TBC1D17: variants seen among roughly 807,000 people sequenced by gnomAD.
TBC1D17 encodes TBC1 domain family member 17.
A neutral mutation model predicts 78.8 loss-of-function variants in TBC1D17; 69 were observed. The observed-to-expected ratio is 0.88, with a 90% CI of 0.72 to 1.07. The LOEUF (loss-of-function observed/expected upper bound fraction) is 1.07. Ranked by LOEUF, TBC1D17 falls within the 50% of genes least tolerant of loss-of-function variation. The pLI, the probability that TBC1D17 is intolerant of heterozygous loss-of-function variation, is 0.00. For missense variants in TBC1D17, 957 were observed against 861.0 expected (o/e 1.11, Z -1.39); for synonymous variants, 456 against 358.3 (o/e 1.27, Z -3.08).
Position 49,887,851 on chromosome 19 carries a change from G to T in TBC1D17, c.1659+17G>T, listed in dbSNP as rs1490158495. 1 of 1,587,040 alleles carries T rather than the reference G, an allele frequency of 6.3e-7. No individual in the cohort carries two copies. Among genetic ancestry groups the T allele is most frequent in the Non-Finnish European group, 8.6e-7 (1 of 1,164,614 alleles). ...ATCCTCAAGGTGAGGCTCCGGCCCC[G>T]CCCCCGCCCTGTCCCCCCTGAGCTG... On this transcript the variant is annotated intron_variant, in intron 15 of 16. Transcript: ENST00000221543.
intron 7 of TBC1D17, 74 bp from the exon 8 acceptor site, chr19:49,882,690 C>CT: frequency 6.9e-7 from 1 of 1,454,394 alleles, no homozygotes; most frequent in Non-Finnish European, 9.1e-7. Context: ...GCTCTCTGAG[C>CT]TTGTGGACTG....
intron 13 of TBC1D17, chr19:49,885,067 C>T: frequency 5.4e-6 from 2 of 369,086 alleles, no homozygotes; most frequent in Non-Finnish European, 1.0e-5. Context: ...TTCTTATCCC[C>T]ACCTGGCTGT....
In TBC1D17 at chr19:49,888,647, G is replaced by A. The variant is rs1280245556; in HGVS notation, c.*23G>A. The A allele has an allele frequency of 1.2e-5, 18 of 1,520,906 alleles. No homozygotes were observed. Among genetic ancestry groups the A allele is most frequent in the South Asian group, 2.4e-5 (2 of 82,342 alleles). The allele number at this position is 1,520,906 out of a possible 1,614,324, so 94.2% of individuals were successfully genotyped here. ...TAACCCCGCCAGGCAGCCTCGTTCT[G>A]CACAGGCACTTTAGCCCGAGCCAGG... is the stretch of plus-strand genomic sequence containing the variant. On this transcript the variant is annotated 3_prime_UTR_variant, in exon 17 of 17. Transcript: ENST00000221543.
At chr19:49,878,870 T>C in intron 3 of TBC1D17, 3 of 380,520 alleles carry the variant, frequency 7.9e-6, no homozygotes, top group East Asian at 4.9e-5. Flanking sequence ...TTCGAGTTGC[T>C]TGAAGGGAAA....
At chr19:49,886,989 T>C (rs2075063661) in intron 13 of TBC1D17, 1 of 179,778 alleles carries the variant, frequency 5.6e-6, no homozygotes, top group Non-Finnish European at 1.2e-5. Context: ...GAGATGGGGT[T>C]TCACCACGTT....
intron 13 of TBC1D17, 139 bp from the exon 14 acceptor site, chr19:49,887,337 C>T: frequency 1.2e-6 from 1 of 808,138 alleles, no homozygotes; most frequent in Admixed American, 2.1e-5. Context: ...CAGGGCTGCT[C>T]CTGCCTCACC....
In TBC1D17 at chr19:49,883,655, G is replaced by A; in HGVS notation, c.1036G>A (p.Glu346Lys). 1 of 1,613,830 alleles carries A rather than the reference G, an allele frequency of 6.2e-7. No individual in the cohort carries two copies. The highest frequency in any genetic ancestry group is 8.5e-7 in the Non-Finnish European group (1 of 1,179,834). ...HKAHIRKKTD[E>K]YFRMKLQWKS... Reference sequence around the variant, plus strand: ...TTGTTTCCCTCTGTCACTCAGGGATGAGTATTTCCGCATGAAGCTGCAGTG... The same window carrying A: ...TTGTTTCCCTCTGTCACTCAGGGATAAGTATTTCCGCATGAAGCTGCAGTG... Residue 346 changes from glutamate to lysine, a missense_variant, in exon 10 of 17, where the codon GAG (glutamate) becomes AAG (lysine). Transcript: ENST00000221543.
At chr19:49,883,794 G>A in intron 10 of TBC1D17, 49 bp downstream of exon 10, 1 of 1,526,920 alleles carries the variant, frequency 6.5e-7, no homozygotes, top group South Asian at 1.1e-5. Context: ...GGGAACCACA[G>A]GAGGGCCTCA....
At chr19:49,881,991 C>T (rs1568674504) in intron 5 of TBC1D17, 50 bp from the exon 6 acceptor site, 5 of 1,498,162 alleles carry the variant, frequency 3.3e-6, no homozygotes, top group Non-Finnish European at 4.6e-6. Context: ...CAGCCTGGGA[C>T]ACTGGGCCCC....
At chr19:49,882,208 G>GA (rs2122443740) in intron 6 of TBC1D17, 34 bp from the exon 7 acceptor site, 2 of 1,612,798 alleles carry the variant, frequency 1.2e-6, no homozygotes, top group East Asian at 4.5e-5. Context: ...ACGAGAAGGG[G>GA]CGGGCCGTGA....
rs1375395752 is a variant in TBC1D17 at position 49,882,811 on chromosome 19, AGAG to A, written c.853_855del (p.Glu285del). On this transcript the variant is annotated inframe_deletion, in exon 8 of 17. Coordinates refer to ENST00000221543, the MANE Select transcript of TBC1D17 (RefSeq NM_024682.3). ...CCGTGGAGCGGGGCCCTCCAGTTAC[AGAG>A]GAGGAGTGGGCACGCCACGTGGGCC... is the stretch of plus-strand genomic sequence containing the variant. The A allele has an allele frequency of 1.5e-5, 24 of 1,606,960 alleles. No homozygotes were observed. The highest frequency in any genetic ancestry group is 4.0e-5 in the African/African-American group (3 of 74,466).
chr19:49,879,686 C>T (rs991074501), intron 3 of TBC1D17, among the ~76,000 whole-genome samples: 20 of 150,686 alleles, frequency 1.3e-4, no homozygotes, highest in Non-Finnish European at 2.5e-4. Flanking sequence ...TTGTATTTAC[C>T]TGGTGAGTAC....
Position 49,882,247 on chromosome 19 carries a change from C to T in TBC1D17, c.645C>T (p.Phe215=), listed in dbSNP as rs765380771. The stretch of plus-strand genomic sequence containing the variant: ...CCCTTTGGCCTCGTCCCCAGCGCTT[C>T]CTCCAGGATCCCTACTCCACCACCT... ...DQDSSNVVSR[F]LQDPYSTTFS... Residue 215 remains phenylalanine (F), a synonymous_variant, in exon 7 of 17, where the codon TTC becomes TTT. Coordinates refer to ENST00000221543, the MANE Select transcript of TBC1D17 (RefSeq NM_024682.3). The T allele has an allele frequency of 8.0e-5, 129 of 1,612,096 alleles. No individual in the cohort carries two copies. Among genetic ancestry groups the T allele is most frequent in the Non-Finnish European group, 9.7e-5 (115 of 1,179,980 alleles).
chr19:49,878,970 T>G (rs2050267433), intron 3 of TBC1D17: 2 of 212,732 alleles, frequency 9.4e-6, no homozygotes, highest in African/African-American at 4.6e-5. Context: ...TTATGTCTCC[T>G]GGGACTTCCC....
rs548712072 is a variant in TBC1D17 at position 49,882,750 on chromosome 19, C to G, written c.799-14C>G. 1.3e-6 allele frequency: 2 copies of G among 1,547,290 alleles called. No individual in the cohort carries two copies. The highest frequency in any genetic ancestry group is 1.7e-6 in the Non-Finnish European group (2 of 1,147,238). On this transcript the variant is annotated splice_polypyrimidine_tract_variant and intron_variant, in intron 7 of 16. Transcript: ENST00000221543. ...CCCCGCCGAGCCCCAGGCTCATTTGCTCTTTGCCTGCAGGTGGAGCTGGGG... is the reference window on the plus strand; with the variant it reads ...CCCCGCCGAGCCCCAGGCTCATTTGGTCTTTGCCTGCAGGTGGAGCTGGGG...
In TBC1D17 at chr19:49,881,286, C is replaced by G; in HGVS notation, c.338C>G (p.Pro113Arg). ...TCCCTAGGTGCAGAGCCCAGCTGCC[C>G]CCAGGGCTCCTGGGCCTTCTCAGTG... Reference protein sequence around the residue: ...EPTRGAEPSCPQGSWAFSVSL... With the variant: ...EPTRGAEPSCRQGSWAFSVSL... The change falls in exon 5 of 17, where the codon CCC becomes CGC. Residue 113 changes from proline (P) to arginine (R), a missense_variant. Pro to Arg is a moderately radical substitution (Grantham distance 103). Transcript: ENST00000221543. The G allele has an allele frequency of 6.2e-7, 1 of 1,612,978 alleles. No homozygotes were observed. Among genetic ancestry groups the G allele is most frequent in the Non-Finnish European group, 8.5e-7 (1 of 1,179,886 alleles).
chr19:49,882,851 C>T lies in TBC1D17; in HGVS notation c.886C>T (p.Leu296=). The T allele has an allele frequency of 6.2e-7, 1 of 1,611,198 alleles. No homozygotes were observed. ...WARHVGPEGR[L]QQVPELKNRI... is the part of the protein sequence containing the mutation. ...ACGCCACGTGGGCCCTGAAGGTCGC[C>T]TGCAGCAGGTCCCTGAGCTGAAGAA... Residue 296 remains leucine (L), a synonymous_variant, in exon 8 of 17, where the codon CTG becomes TTG. Coordinates refer to ENST00000221543, the MANE Select transcript of TBC1D17 (RefSeq NM_024682.3).
Position 49,881,438 on chromosome 19 carries a change from C to G in TBC1D17, c.490C>G (p.Leu164Val). 1 of 1,611,590 alleles carries G rather than the reference C, an allele frequency of 6.2e-7. No homozygotes were observed. Among genetic ancestry groups the G allele is most frequent in the Non-Finnish European group, 8.5e-7 (1 of 1,179,880 alleles). The change falls in exon 5 of 17, where the codon CTG (leucine) becomes GTG (valine). Residue 164 changes from leucine (L) to valine (V), a missense_variant. Coordinates refer to ENST00000221543, the MANE Select transcript of TBC1D17 (RefSeq NM_024682.3). ...LHFHRGGTRALLRVLSRYLLL... is the reference protein window; with the variant it reads ...LHFHRGGTRAVLRVLSRYLLL... ...CTTCCACCGCGGGGGCACCCGCGCCCTGCTCCGCGTCCTCAGCCGCTACCT... is the reference window on the plus strand; with the variant it reads ...CTTCCACCGCGGGGGCACCCGCGCCGTGCTCCGCGTCCTCAGCCGCTACCT...
intron 13 of TBC1D17, among the ~76,000 whole-genome samples, chr19:49,885,839 TGGC>T (rs1167757415): frequency 6.6e-6 from 1 of 151,786 alleles, no homozygotes; most frequent in East Asian, 1.9e-4. Flanking sequence ...CCAGCCGTGG[TGGC>T]GCCCACCTGT....
Sources: allele counts gnomAD v4.1 joint callset (sites outside exome capture counted in the v4.1 genomes callset), GRCh38; gene constraint gnomAD v4.1.1; transcripts MANE v1.5; gene names NCBI Gene and HGNC (gene_info 2026-07-23, HGNC 2026-07-21).